Variants in YPEL2 observed in about 807,000 individuals in gnomAD.
The protein encoded by YPEL2 is protein yippee-like 2.
YPEL2 carries 2 observed loss-of-function variants against 19.1 expected under a neutral mutation model. That is an observed-to-expected ratio of 0.10 (90% CI 0.04 to 0.33). The LOEUF (loss-of-function observed/expected upper bound fraction) is 0.33. Ranked by LOEUF, YPEL2 falls within the 10% of genes least tolerant of loss-of-function variation. YPEL2 has a pLI of 1.00. For missense variants in YPEL2, 66 were observed against 140.7 expected, an observed-to-expected ratio of 0.47 and a Z score of 2.68; for synonymous variants, 52 against 50.0, an observed-to-expected ratio of 1.04 and a Z score of -0.17.
intron 1 of YPEL2, among the ~76,000 whole-genome samples, chr17:59,349,501 C>T (rs2047776569): frequency 6.6e-6 from 1 of 151,778 alleles, no homozygotes; most frequent in South Asian, 2.1e-4. Context: ...CGTGCGCTAC[C>T]ATGCCTGGCT....
chr17:59,370,166 C>T (rs2047889658), intron 2 of YPEL2, among the ~76,000 whole-genome samples: 1 of 152,210 alleles, frequency 6.6e-6, no homozygotes, highest in Non-Finnish European at 1.5e-5. Flanking sequence ...ACGCCATTCT[C>T]CAGCCTCAGC....
Position 59,363,968 on chromosome 17 carries a change from C to CT in YPEL2, c.117+10449dup, listed in dbSNP as rs1286683828. 2.6e-5 allele frequency among the ~76,000 whole-genome samples: 4 copies of CT among 152,186 alleles called. No homozygotes were observed. The East Asian group carries it at 7.7e-4, about 29-fold the overall frequency. On this transcript the variant is annotated intron_variant, in intron 2 of 4. Transcript: ENST00000312655. The stretch of plus-strand genomic sequence containing the variant: ...CCCATTCTTGAAGACCAGTTCACAT[C>CT]TTTTTTTCTTCTAGTGAGTCTTCCT...
chr17:59,360,461 A>G (rs930835909), intron 2 of YPEL2, among the ~76,000 whole-genome samples: 15 of 152,224 alleles, frequency 9.9e-5, no homozygotes, highest in Non-Finnish European at 1.8e-4. Flanking sequence ...GCACAACCCA[A>G]TAAGTCCAGT....
At chr17:59,375,523 CAG>C (rs962387427) in intron 2 of YPEL2, among the ~76,000 whole-genome samples, 1 of 152,192 alleles carries the variant, frequency 6.6e-6, no homozygotes, top group Non-Finnish European at 1.5e-5. Context: ...GGCTGGGACT[CAG>C]AGGGTGTTCC....
At chr17:59,361,982 A>G (rs1020175357) in intron 2 of YPEL2, among the ~76,000 whole-genome samples, 3 of 152,184 alleles carry the variant, frequency 2.0e-5, no homozygotes, top group African/African-American at 7.2e-5. Flanking sequence ...AAACTGTGAA[A>G]ACATTAAAGG....
At chr17:59,364,000 T>G (rs529694927) in intron 2 of YPEL2, among the ~76,000 whole-genome samples, 7 of 152,216 alleles carry the variant, frequency 4.6e-5, no homozygotes, top group Non-Finnish European at 1.0e-4. Context: ...TCCTGGCTTA[T>G]AGGATGCTCT....
At chr17:59,366,923 C>T (rs928352268) in intron 2 of YPEL2, among the ~76,000 whole-genome samples, 4 of 152,152 alleles carry the variant, frequency 2.6e-5, no homozygotes, top group African/African-American at 9.7e-5. Flanking sequence ...CCTCCCTGTC[C>T]ATCTCTTTCT....
intron 1 of YPEL2, among the ~76,000 whole-genome samples, chr17:59,335,912 C>G (rs369751672): frequency 1.3e-5 from 2 of 152,134 alleles, no homozygotes; most frequent in African/African-American, 4.8e-5. Flanking sequence ...CCTGACGGAC[C>G]AGTTATCTAG....
intron 1 of YPEL2, among the ~76,000 whole-genome samples, chr17:59,340,332 C>T (rs1027417802): frequency 1.2e-4 from 19 of 152,094 alleles, no homozygotes; most frequent in Admixed American, 6.5e-5. Flanking sequence ...TGGTCTCGAA[C>T]TCCTGACCTC....
intron 1 of YPEL2, among the ~76,000 whole-genome samples, chr17:59,345,678 C>T (rs1181557150): frequency 2.0e-5 from 3 of 152,172 alleles, no homozygotes; most frequent in Admixed American, 2.0e-4. Flanking sequence ...CTCCTAACCA[C>T]CGTGAGTCAA....
chr17:59,393,682 C>G (rs1296922788), intron 4 of YPEL2, among the ~76,000 whole-genome samples: 1 of 147,406 alleles, frequency 6.8e-6, no homozygotes, highest in African/African-American at 2.5e-5. Context: ...GTTTGTGTCC[C>G]TGGGTACTTG....
At position 59,335,264 on chromosome 17, in the gene YPEL2, C is replaced by T. The variant is rs533551879; in HGVS notation, c.-196+3440C>T. Among the ~76,000 whole-genome samples the T allele has an allele frequency of 1.5e-4, 23 of 152,260 alleles. No homozygotes were observed. In the East Asian group the frequency reaches 4.4e-3, roughly 29 times the overall value. On this transcript the variant is annotated intron_variant, in intron 1 of 4. Coordinates refer to ENST00000312655, the MANE Select transcript of YPEL2 (RefSeq NM_001005404.4). ...GTTTACCTGGGAGCTGTGGATATAG[C>T]ACTGGAGAGCTTAAAAGTAAATCAG...
At chr17:59,371,600 C>T (rs1023705688) in intron 2 of YPEL2, among the ~76,000 whole-genome samples, 1 of 152,158 alleles carries the variant, frequency 6.6e-6, no homozygotes, top group Admixed American at 6.5e-5. Context: ...CCTGTCCAGA[C>T]CTCTCAGAGA....
At chr17:59,339,258 C>T (rs531763273) in intron 1 of YPEL2, among the ~76,000 whole-genome samples, 5 of 152,220 alleles carry the variant, frequency 3.3e-5, no homozygotes, top group Admixed American at 1.3e-4. Context: ...ATGGTATGAA[C>T]GTGCACATTA....
At chr17:59,396,218 A>G (rs574795180) in intron 4 of YPEL2, among the ~76,000 whole-genome samples, 40 of 152,332 alleles carry the variant, frequency 2.6e-4, no homozygotes, top group African/African-American at 9.1e-4. Context: ...ATATATGTAA[A>G]TTTATATATG....
chr17:59,381,924 G>A (rs1329949467), intron 2 of YPEL2, among the ~76,000 whole-genome samples: 1 of 152,108 alleles, frequency 6.6e-6, no homozygotes, highest in African/African-American at 2.4e-5. Flanking sequence ...CTTCCTTTCA[G>A]TCTCCCCACC....
At chr17:59,362,886 C>T (rs569190243) in intron 2 of YPEL2, 1 of 152,304 alleles carries the variant, frequency 6.6e-6, no homozygotes, top group African/African-American at 2.4e-5. Flanking sequence ...TGACTAGAAT[C>T]CACTGTCATA....
chr17:59,339,312 G>A (rs368686016), intron 1 of YPEL2, among the ~76,000 whole-genome samples: 32 of 152,230 alleles, frequency 2.1e-4, no homozygotes, highest in East Asian at 5.8e-4. Context: ...TTTTGCTCGC[G>A]GGGCTCTTTT....
At chr17:59,376,307 C>T (rs1362420299) in intron 2 of YPEL2, among the ~76,000 whole-genome samples, 1 of 152,178 alleles carries the variant, frequency 6.6e-6, no homozygotes, top group Non-Finnish European at 1.5e-5. Context: ...GCAATCTCTG[C>T]CTCCCAGGTT....
Sources: allele counts gnomAD v4.1 joint callset (sites outside exome capture counted in the v4.1 genomes callset), GRCh38; gene constraint gnomAD v4.1.1; transcripts MANE v1.5; gene names NCBI Gene and HGNC (gene_info 2026-07-23, HGNC 2026-07-21).